RASSF5: variants seen among roughly 807,000 people sequenced by gnomAD.
RASSF5 encodes ras association domain-containing protein 5.
A neutral mutation model predicts 40.5 loss-of-function variants in RASSF5; 25 were observed. That is an observed-to-expected ratio of 0.62 (90% CI 0.45 to 0.86). The LOEUF (loss-of-function observed/expected upper bound fraction) is 0.86, where lower values mean the gene tolerates loss of function less well. RASSF5 is among the 40% of genes least tolerant of loss of function. The pLI, the probability that RASSF5 is intolerant of heterozygous loss-of-function variation, is 0.00. For synonymous variants in RASSF5, 246 were observed against 252.4 expected (o/e 0.97, Z 0.24); for missense variants, 521 against 572.8 (o/e 0.91, Z 0.92).
At chr1:206,529,656 G>C in intron 1 of RASSF5, 1 of 757,810 alleles carries the variant, frequency 1.3e-6, no homozygotes, top group East Asian at 2.4e-5. Context: ...GGCTCACATC[G>C]CCAAATTCAA....
chr1:206,537,245 C>A (rs1246821029), intron 1 of RASSF5, among the ~76,000 whole-genome samples: 1 of 152,200 alleles, frequency 6.6e-6, no homozygotes, highest in Non-Finnish European at 1.5e-5. Context: ...CTTTTCAACT[C>A]TGGTCACTAA....
intron 1 of RASSF5, among the ~76,000 whole-genome samples, chr1:206,520,192 G>A (rs561393955): frequency 1.3e-5 from 2 of 152,362 alleles, no homozygotes; most frequent in East Asian, 1.9e-4. Flanking sequence ...GCCAAAAGAG[G>A]AGGGGAGAAG....
At chr1:206,536,101 G>T (rs1302108861) in intron 1 of RASSF5, among the ~76,000 whole-genome samples, 6 of 152,202 alleles carry the variant, frequency 3.9e-5, no homozygotes, top group Non-Finnish European at 1.5e-5. Flanking sequence ...GGGCACTGCG[G>T]GCAGAAGTTT....
At chr1:206,520,753 A>G (rs1279921236) in intron 1 of RASSF5, among the ~76,000 whole-genome samples, 1 of 152,198 alleles carries the variant, frequency 6.6e-6, no homozygotes, top group African/African-American at 2.4e-5. Context: ...ATAGGGCAGA[A>G]TATCTCAACC....
Position 206,584,707 on chromosome 1 carries a change from C to G in RASSF5, c.988+23C>G. On this transcript the variant is annotated intron_variant, in intron 4 of 5. Coordinates refer to ENST00000579436, the MANE Select transcript of RASSF5 (RefSeq NM_182663.4). The surrounding 1 kb of genome is among the most constrained non-coding windows in gnomAD (Gnocchi z 4.9). Reference sequence around the variant, plus strand: ...AAGGTAGGAGAAAGAGTGAACCCAACCAGACCGTTCCCTTCCTACCTGTGT... The same window carrying G: ...AAGGTAGGAGAAAGAGTGAACCCAAGCAGACCGTTCCCTTCCTACCTGTGT... 6.2e-7 allele frequency: 1 copy of G among 1,613,440 alleles called. No individual in the cohort carries two copies. Among genetic ancestry groups the G allele is most frequent in the Non-Finnish European group, 8.5e-7 (1 of 1,179,532 alleles).
chr1:206,571,924 TTGAG>T (rs1465198636), intron 2 of RASSF5, among the ~76,000 whole-genome samples: 28 of 152,176 alleles, frequency 1.8e-4, no homozygotes, highest in Admixed American at 1.5e-3. Flanking sequence ...TCTCAGAAGA[TTGAG>T]TGTCACCCTC....
intron 2 of RASSF5, among the ~76,000 whole-genome samples, chr1:206,567,188 T>A (rs1668311986): frequency 6.6e-6 from 1 of 152,088 alleles, no homozygotes; most frequent in Admixed American, 6.5e-5. Flanking sequence ...CAGGGCTGGG[T>A]CACTAAGCAA....
At chr1:206,533,642 C>G (rs1667303406) in intron 1 of RASSF5, among the ~76,000 whole-genome samples, 1 of 151,990 alleles carries the variant, frequency 6.6e-6, no homozygotes. Context: ...GTAGTCCTAG[C>G]TACTCAGGAC....
At chr1:206,550,277 A>G (rs1228474441) in intron 2 of RASSF5, among the ~76,000 whole-genome samples, 4 of 152,158 alleles carry the variant, frequency 2.6e-5, no homozygotes, top group Non-Finnish European at 5.9e-5. Flanking sequence ...TCTGAATCCT[A>G]TTCCCTCATC....
chr1:206,577,753 C>CT, intron 2 of RASSF5, among the ~76,000 whole-genome samples: 1 of 152,178 alleles, frequency 6.6e-6, no homozygotes, highest in Non-Finnish European at 1.5e-5. Flanking sequence ...AAATTAAGAC[C>CT]TTTTTTGTCC....
chr1:206,558,812 A>G (rs1045167357), intron 2 of RASSF5, among the ~76,000 whole-genome samples: 1 of 152,098 alleles, frequency 6.6e-6, no homozygotes, highest in African/African-American at 2.4e-5. Flanking sequence ...CCAGGGCACC[A>G]CTCATGAGGC....
At chr1:206,581,449 A>C (rs1409000408) in intron 2 of RASSF5, among the ~76,000 whole-genome samples, 1 of 152,040 alleles carries the variant, frequency 6.6e-6, no homozygotes, top group Non-Finnish European at 1.5e-5. Context: ...AAATACAAAA[A>C]TTAGCTGGGT....
chr1:206,538,510 A>T (rs1327814198), intron 2 of RASSF5, among the ~76,000 whole-genome samples: 2 of 152,224 alleles, frequency 1.3e-5, no homozygotes. Flanking sequence ...AGTTCTCCCC[A>T]AGTACAGAGC....
intron 2 of RASSF5, among the ~76,000 whole-genome samples, chr1:206,581,701 G>A (rs1282946305): frequency 1.3e-5 from 2 of 152,038 alleles, no homozygotes; most frequent in African/African-American, 4.8e-5. Flanking sequence ...TGTCAGCTGT[G>A]CTGAGGGGTT....
At chr1:206,523,478 ATATATAATATTATATATTATATATTT>A (rs1553396437) in intron 1 of RASSF5, among the ~76,000 whole-genome samples, 2 of 105,708 alleles carry the variant, frequency 1.9e-5, no homozygotes, top group Non-Finnish European at 3.6e-5. Flanking sequence ...TTTATATACA[ATATATAATATTATATATTATATATTT>A]TATATATTAT....
In RASSF5 at chr1:206,565,285, AG is replaced by A. The variant is rs573995434; in HGVS notation, c.580-17983del. Among the ~76,000 whole-genome samples the A allele has an allele frequency of 1.6e-3, 237 of 152,252 alleles. 3 individuals are homozygous for A. The highest frequency in any genetic ancestry group is 7.1e-3 in the East Asian group (37 of 5,176). On this transcript the variant is annotated intron_variant, in intron 2 of 5. Coordinates refer to ENST00000579436, the MANE Select transcript of RASSF5 (RefSeq NM_182663.4). ...AGCCTCTCACTGAGATGCCCCAGTA[AG>A]TCAGTTACCCTGCAGTTTCAATCCT...
At chr1:206,582,450 T>C (rs1553406566) in intron 2 of RASSF5, among the ~76,000 whole-genome samples, 1 of 152,204 alleles carries the variant, frequency 6.6e-6, no homozygotes, top group Non-Finnish European at 1.5e-5. Flanking sequence ...TCTCTTAGTC[T>C]CAATAGTCTC....
At chr1:206,526,093 C>T (rs1438992164) in intron 1 of RASSF5, among the ~76,000 whole-genome samples, 1 of 152,212 alleles carries the variant, frequency 6.6e-6, no homozygotes, top group African/African-American at 2.4e-5. Flanking sequence ...CAAACTGGAG[C>T]TTGCTCAGGT....
intron 2 of RASSF5, among the ~76,000 whole-genome samples, chr1:206,547,112 T>C (rs1479542959): frequency 2.0e-5 from 3 of 152,152 alleles, no homozygotes; most frequent in African/African-American, 7.2e-5. Context: ...CTCTATTTTA[T>C]ACCAAAAAAA....
Sources: gnomAD v4.1 joint callset for allele counts (sites outside exome capture counted in the v4.1 genomes callset) on GRCh38, gnomAD v4.1.1 for gene constraint, Gnocchi (gnomAD v3.1) non-coding constraint, MANE v1.5 for transcripts, NCBI Gene and HGNC (gene_info 2026-07-23, HGNC 2026-07-21) for gene names.